DNAH9: variants seen among roughly 807,000 people sequenced by gnomAD.
The protein encoded by DNAH9 is DNAH9 variant protein.
In DNAH9, 345 loss-of-function variants were observed where a neutral mutation model predicts 471.6. That is an observed-to-expected ratio of 0.73 (90% CI 0.67 to 0.80). The LOEUF (loss-of-function observed/expected upper bound fraction) is 0.80, where lower values mean the gene tolerates loss of function less well. Among genes scored for constraint, DNAH9 ranks in the 30% least tolerant of loss-of-function variants. The probability of loss-of-function intolerance (pLI) is 0.00; values close to 1 mark genes in which losing one functional copy is unlikely to be tolerated. For missense variants in DNAH9, 5,407 were observed against 5,609.2 expected, an observed-to-expected ratio of 0.96 and a Z score of 1.15; for synonymous variants, 2,093 against 2,123.6, an observed-to-expected ratio of 0.99 and a Z score of 0.40.
At chr17:11,877,473 TAAAAAAAAAAAAAAAAA>T (rs550300868) in intron 53 of DNAH9, among the ~76,000 whole-genome samples, 1 of 68,634 alleles carries the variant, frequency 1.5e-5, no homozygotes, top group Admixed American at 1.9e-4. Flanking sequence ...AAACTCTGTC[TAAAAAAAAAAAAAAAAA>T]AAAAAAAAAA....
At chr17:11,947,884 C>T (rs148335248) in intron 67 of DNAH9, among the ~76,000 whole-genome samples, 26,095 of 147,066 alleles carry the variant, frequency 0.18, 2,362 homozygotes, top group Admixed American at 0.22. Context: ...CGGGTTCAAG[C>T]GATTCTCCTG....
Position 11,886,874 on chromosome 17 carries a change from A to C in DNAH9, c.11021A>C (p.His3674Pro). ...TEVKINEARE[H>P]YRPAAARASL... ...GTGAAAATCAACGAGGCCCGAGAGC[A>C]CTACCGGCCAGCAGCTGCCAGGGCC... Residue 3674 changes from histidine (H) to proline (P), a missense_variant, in exon 57 of 69, where the codon CAC (histidine) becomes CCC (proline). Transcript: ENST00000262442. The C allele has an allele frequency of 6.2e-7, 1 of 1,612,880 alleles. No individual in the cohort carries two copies.
At chr17:11,794,387 T>C (rs548259650) in intron 42 of DNAH9, among the ~76,000 whole-genome samples, 2 of 152,304 alleles carry the variant, frequency 1.3e-5, no homozygotes, top group Non-Finnish European at 2.9e-5. Flanking sequence ...CTTGGAACAT[T>C]TGAAATAATT....
chr17:11,763,214 A>C (rs76006865), intron 35 of DNAH9, among the ~76,000 whole-genome samples: 1,924 of 152,208 alleles, frequency 0.013, 39 homozygotes, highest in African/African-American at 0.044. Context: ...AAAGGAGATG[A>C]GAAAGTCCTC....
chr17:11,945,188 G>A (rs1391301405), intron 67 of DNAH9, among the ~76,000 whole-genome samples: 1 of 152,172 alleles, frequency 6.6e-6, no homozygotes, highest in Non-Finnish European at 1.5e-5. Flanking sequence ...CCTGGCAGGG[G>A]GAAGGGGAAG....
chr17:11,829,769 G>C (rs1275623292), intron 48 of DNAH9, among the ~76,000 whole-genome samples: 1 of 152,136 alleles, frequency 6.6e-6, no homozygotes, highest in African/African-American at 2.4e-5. Flanking sequence ...CACCACACCT[G>C]GTCAAAGTTC....
chr17:11,662,847 C>G (rs1376627624), intron 14 of DNAH9, among the ~76,000 whole-genome samples: 2 of 149,110 alleles, frequency 1.3e-5, no homozygotes, highest in Non-Finnish European at 3.0e-5. Flanking sequence ...GCTCCGCCTC[C>G]CGGGTTCACG....
At chr17:11,699,950 A>G in intron 23 of DNAH9, 67 bp downstream of exon 23, 2 of 1,534,842 alleles carry the variant, frequency 1.3e-6, no homozygotes, top group Non-Finnish European at 1.8e-6. Context: ...AAATATGATC[A>G]GCATCAACTC....
At chr17:11,799,354 A>T (rs1055103213) in intron 43 of DNAH9, among the ~76,000 whole-genome samples, 4 of 151,966 alleles carry the variant, frequency 2.6e-5, no homozygotes, top group Non-Finnish European at 4.4e-5. Flanking sequence ...CCTTTTTAAA[A>T]ATTTTATTTT....
intron 9 of DNAH9, among the ~76,000 whole-genome samples, chr17:11,637,901 G>C (rs2073194092): frequency 2.0e-5 from 3 of 152,160 alleles, no homozygotes; most frequent in Admixed American, 2.0e-4. Flanking sequence ...TTATGGAAAA[G>C]GTAGTCTTGA....
chr17:11,762,776 T>TGTTTG (rs1555584680), intron 35 of DNAH9, among the ~76,000 whole-genome samples: 1 of 116,538 alleles, frequency 8.6e-6, no homozygotes, highest in African/African-American at 3.7e-5. Context: ...TTTTGTTTTT[T>TGTTTG]TTTTTTTTTT....
At chr17:11,913,312 A>G (rs1973845951) in intron 61 of DNAH9, among the ~76,000 whole-genome samples, 1 of 152,114 alleles carries the variant, frequency 6.6e-6, no homozygotes, top group African/African-American at 2.4e-5. Flanking sequence ...CTAGTTATAT[A>G]TTTACTCAAA....
chr17:11,866,433 G>T (rs1972058290), intron 50 of DNAH9, among the ~76,000 whole-genome samples: 1 of 152,182 alleles, frequency 6.6e-6, no homozygotes, highest in Non-Finnish European at 1.5e-5. Flanking sequence ...CCCTACTGGG[G>T]GGTGCCTCCC....
intron 49 of DNAH9, among the ~76,000 whole-genome samples, chr17:11,851,931 A>G (rs1971436064): frequency 6.6e-6 from 1 of 152,148 alleles, no homozygotes; most frequent in Non-Finnish European, 1.5e-5. Flanking sequence ...ATCTCTGTAC[A>G]TTGCTTAACT....
chr17:11,875,259 A>G (rs1006809893), intron 53 of DNAH9, 75 bp downstream of exon 53: 15 of 1,182,826 alleles, frequency 1.3e-5, no homozygotes, highest in Non-Finnish European at 1.6e-5. Flanking sequence ...GCAGATTTTA[A>G]GCCCAGTGAA....
intron 22 of DNAH9, among the ~76,000 whole-genome samples, chr17:11,695,790 C>T (rs2074465673): frequency 6.6e-6 from 1 of 152,174 alleles, no homozygotes; most frequent in Admixed American, 6.5e-5. Flanking sequence ...TCCCAATATG[C>T]TGCTGGTCTA....
In DNAH9 at chr17:11,836,670, C is replaced by G. The variant is rs374294250; in HGVS notation, c.9507+1772C>G. On this transcript the variant is annotated intron_variant, in intron 49 of 68. Coordinates refer to ENST00000262442, the MANE Select transcript of DNAH9 (RefSeq NM_001372.4). ...ACCCACCCCCTTCCTCATTTAGGGT[C>G]CCTCTCCATTCATTCCGTCTAAATC... Among the ~76,000 whole-genome samples, 12 of 152,216 alleles carry G rather than the reference C, an allele frequency of 7.9e-5. No individual in the cohort carries two copies. The South Asian group carries it at 2.5e-3, about 32-fold the overall frequency.
At chr17:11,897,600 C>A (rs1973260258) in intron 59 of DNAH9, among the ~76,000 whole-genome samples, 1 of 152,144 alleles carries the variant, frequency 6.6e-6, no homozygotes. Context: ...CTTTGCAGAA[C>A]TGGAGCAATG....
At chr17:11,887,279 A>G (rs1378612227) in intron 57 of DNAH9, among the ~76,000 whole-genome samples, 1 of 152,228 alleles carries the variant, frequency 6.6e-6, no homozygotes, top group African/African-American at 2.4e-5. Context: ...ATACCGAAGA[A>G]GTCTGAGAAG....
Sources: allele counts gnomAD v4.1 joint callset (sites outside exome capture counted in the v4.1 genomes callset), GRCh38; gene constraint gnomAD v4.1.1; transcripts MANE v1.5; gene names NCBI Gene and HGNC (gene_info 2026-07-23, HGNC 2026-07-21).